The following CLASP2 variants were observed in gnomAD, a reference collection of about 807,000 sequenced individuals.
The protein encoded by CLASP2 is CLIP-associating protein 2.
In CLASP2, 47 loss-of-function variants were observed where a neutral mutation model predicts 194.4. The ratio of observed to expected loss-of-function variants is 0.24; its 90% CI spans 0.19 to 0.31. The LOEUF is 0.31. Among genes scored for constraint, CLASP2 ranks in the 10% least tolerant of loss-of-function variants. The pLI is 1.00. For synonymous variants in CLASP2, 619 were observed against 633.5 expected, an observed-to-expected ratio of 0.98 and a Z score of 0.34; for missense variants, 1,445 against 1,823.6, an observed-to-expected ratio of 0.79 and a Z score of 3.78.
At chr3:33,542,002 T>A (rs909966526) in intron 32 of CLASP2, among the ~76,000 whole-genome samples, 3 of 152,228 alleles carry the variant, frequency 2.0e-5, no homozygotes, top group African/African-American at 7.2e-5. Flanking sequence ...CAGCATCTGT[T>A]ATTTTTTGAC....
At chr3:33,670,237 C>T (rs531729346) in intron 6 of CLASP2, among the ~76,000 whole-genome samples, 4 of 151,994 alleles carry the variant, frequency 2.6e-5, no homozygotes, top group African/African-American at 9.7e-5. Flanking sequence ...TGTTAGAAGT[C>T]AGGATTGTGG....
chr3:33,693,784 A>T (rs2091594368), intron 2 of CLASP2, among the ~76,000 whole-genome samples: 1 of 152,178 alleles, frequency 6.6e-6, no homozygotes, highest in Non-Finnish European at 1.5e-5. Context: ...AGCACTTATG[A>T]TTCAAAGTGA....
At chr3:33,655,529 C>T (rs1031522673) in intron 7 of CLASP2, among the ~76,000 whole-genome samples, 6 of 152,090 alleles carry the variant, frequency 3.9e-5, no homozygotes, top group Non-Finnish European at 8.8e-5. Flanking sequence ...TTGTAATTTA[C>T]TTTTTCACCT....
intron 1 of CLASP2, among the ~76,000 whole-genome samples, chr3:33,714,884 A>T (rs1248217879): frequency 6.6e-6 from 1 of 152,070 alleles, no homozygotes; most frequent in African/African-American, 2.4e-5. Flanking sequence ...TACCTCCACC[A>T]TATTTAGAAT....
chr3:33,682,995 C>A (rs1172789446), intron 6 of CLASP2: 2 of 152,178 alleles, frequency 1.3e-5, no homozygotes, highest in African/African-American at 4.8e-5. Flanking sequence ...AAGAACCCTA[C>A]AATTGGTTAC....
At chr3:33,540,235 T>TC (rs1271258111) in intron 32 of CLASP2, among the ~76,000 whole-genome samples, 1 of 148,458 alleles carries the variant, frequency 6.7e-6, no homozygotes, top group Non-Finnish European at 1.5e-5. Context: ...TGGCCAAATT[T>TC]TTTTTTTTTT....
chr3:33,688,429 T>C (rs2090964524), intron 3 of CLASP2, 61 bp from the exon 4 acceptor site: 1 of 1,243,092 alleles, frequency 8.0e-7, no homozygotes, highest in African/African-American at 1.5e-5. Flanking sequence ...TTATAATCTT[T>C]TATTTCTTCC....
chr3:33,645,439 A>G, intron 7 of CLASP2: 1 of 710,014 alleles, frequency 1.4e-6, no homozygotes, highest in South Asian at 1.6e-5. Flanking sequence ...CCACAGAACC[A>G]CCACTGAGGT....
chr3:33,553,846 G>A (rs990401207), intron 29 of CLASP2, among the ~76,000 whole-genome samples: 6 of 152,170 alleles, frequency 3.9e-5, no homozygotes, highest in Non-Finnish European at 7.3e-5. Context: ...CATTCCACTA[G>A]TGGGTATATA....
chr3:33,701,091 T>C (rs562772902), intron 1 of CLASP2, among the ~76,000 whole-genome samples: 2 of 152,268 alleles, frequency 1.3e-5, no homozygotes, highest in African/African-American at 4.8e-5. Context: ...AGTTCATGAA[T>C]TGGACAACTT....
At chr3:33,544,588 G>T in intron 31 of CLASP2, 110 bp downstream of exon 31, 2 of 996,606 alleles carry the variant, frequency 2.0e-6, no homozygotes, top group Non-Finnish European at 2.9e-6. Context: ...GCCAAATAAA[G>T]ATGCAAAAAT....
intron 2 of CLASP2, among the ~76,000 whole-genome samples, chr3:33,693,497 G>A (rs958254705): frequency 1.1e-4 from 17 of 152,050 alleles, no homozygotes; most frequent in Non-Finnish European, 2.4e-4. Flanking sequence ...AAACCAAAAA[G>A]CTAACTCTGG....
At chr3:33,717,490 G>C (rs1365716198) in intron 1 of CLASP2, among the ~76,000 whole-genome samples, 1 of 151,928 alleles carries the variant, frequency 6.6e-6, no homozygotes, top group African/African-American at 2.4e-5. Flanking sequence ...GCAGTGGCTC[G>C]ATCTCGGCTC....
At chr3:33,684,909 G>A (rs1055624172) in intron 5 of CLASP2, among the ~76,000 whole-genome samples, 3 of 152,060 alleles carry the variant, frequency 2.0e-5, no homozygotes, top group African/African-American at 7.2e-5. Flanking sequence ...GGCTGAGGCA[G>A]GGGAATTGCT....
intron 7 of CLASP2, among the ~76,000 whole-genome samples, chr3:33,657,062 T>C (rs1173368782): frequency 1.3e-5 from 2 of 152,162 alleles, no homozygotes; most frequent in Admixed American, 6.5e-5. Context: ...TTTACCTTCA[T>C]TGTTTGAATT....
chr3:33,659,593 A>C (rs2084933029), intron 7 of CLASP2: 1 of 186,926 alleles, frequency 5.3e-6, no homozygotes, highest in South Asian at 1.8e-4. Flanking sequence ...ATTATGCAGG[A>C]AGCATTTCTG....
chr3:33,575,212 TAATC>T (rs1327153248), intron 24 of CLASP2, among the ~76,000 whole-genome samples: 1 of 152,058 alleles, frequency 6.6e-6, no homozygotes, highest in East Asian at 1.9e-4. Flanking sequence ...TTATAAAAAA[TAATC>T]AAGTGGCTGA....
intron 31 of CLASP2, among the ~76,000 whole-genome samples, chr3:33,543,860 A>T (rs2058748343): frequency 6.6e-6 from 1 of 152,164 alleles, no homozygotes; most frequent in South Asian, 2.1e-4. Flanking sequence ...ACCATTACTA[A>T]TGCTCAAATT....
At chr3:33,643,376 T>C (rs2081671793) in intron 8 of CLASP2, among the ~76,000 whole-genome samples, 1 of 151,882 alleles carries the variant, frequency 6.6e-6, no homozygotes, top group Non-Finnish European at 1.5e-5. Context: ...AGAGAGCTAT[T>C]TGTTATAAAA....
Sources: allele counts gnomAD v4.1 joint callset (sites outside exome capture counted in the v4.1 genomes callset), GRCh38; gene constraint gnomAD v4.1.1; transcripts MANE v1.5; gene names NCBI Gene and HGNC (gene_info 2026-07-23, HGNC 2026-07-21).